The following FBXL17 variants were observed in gnomAD, a reference collection of about 807,000 sequenced individuals.
FBXL17 encodes F-box/LRR-repeat protein 17.
In FBXL17, 22 loss-of-function variants were observed where a neutral mutation model predicts 66.2. That is an observed-to-expected ratio of 0.33 (90% confidence interval 0.24 to 0.47). The LOEUF is 0.47. Among genes scored for constraint, FBXL17 ranks in the 20% least tolerant of loss-of-function variants. The probability of loss-of-function intolerance (pLI) is 1.00; values close to 1 mark genes in which losing one functional copy is unlikely to be tolerated. For missense variants in FBXL17, 878 were observed against 948.2 expected (o/e 0.93, Z 0.97); for synonymous variants, 474 against 400.5 (o/e 1.18, Z -2.19).
intron 4 of FBXL17, among the ~76,000 whole-genome samples, chr5:108,312,156 T>A (rs542783675): frequency 1.3e-5 from 2 of 152,130 alleles, no homozygotes; most frequent in South Asian, 2.1e-4. Context: ...TCACAGCTTA[T>A]GTAAAAGGCT....
chr5:108,185,281 G>C (rs546726611), intron 6 of FBXL17, among the ~76,000 whole-genome samples: 18 of 152,244 alleles, frequency 1.2e-4, no homozygotes, highest in African/African-American at 3.9e-4. Context: ...AATGTTGGAG[G>C]AAGGGCCTGT....
At chr5:107,941,026 C>T (rs948427935) in intron 7 of FBXL17, among the ~76,000 whole-genome samples, 1 of 151,780 alleles carries the variant, frequency 6.6e-6, no homozygotes, top group African/African-American at 2.4e-5. Flanking sequence ...ATCTGCCATA[C>T]AAACAGCAAA....
chr5:108,145,222 T>C (rs1375633666), intron 6 of FBXL17, among the ~76,000 whole-genome samples: 1 of 152,172 alleles, frequency 6.6e-6, no homozygotes, highest in South Asian at 2.1e-4. Flanking sequence ...GGTCAGATAA[T>C]TTTCTACTTC....
Position 108,380,959 on chromosome 5 carries a change from C to A in FBXL17, c.733G>T (p.Ala245Ser). ...TGCTCCGGGGCCTGGCAGCAGCCGG[C>A]GTCGGGGGGCCGGGGCGGCGAAGCG... Reference protein sequence around the residue: ...GGASPPRPPDAGCCQAPEQPP... With the variant: ...GGASPPRPPDSGCCQAPEQPP... Residue 245 changes from alanine to serine, a missense_variant, in exon 1 of 9, where the codon GCC becomes TCC. Physicochemically the swap from Ala to Ser is moderately conservative, Grantham distance 99. Transcript: ENST00000542267. 8.2e-7 allele frequency: 1 copy of A among 1,220,250 alleles called. No homozygotes were observed. Among genetic ancestry groups the A allele is most frequent in the Non-Finnish European group, 1.0e-6 (1 of 979,802 alleles). The allele number at this position is 1,220,250 out of a possible 1,614,324, so 75.6% of individuals were successfully genotyped here. A position where few individuals can be genotyped will look rare whatever the true frequency, so the allele number is the denominator to read the frequency against.
intron 7 of FBXL17, among the ~76,000 whole-genome samples, chr5:107,890,606 T>C (rs1056432402): frequency 6.6e-6 from 1 of 151,330 alleles, no homozygotes; most frequent in Non-Finnish European, 1.5e-5. Context: ...GGAGGTTGCA[T>C]TGAGCCAAGA....
chr5:108,179,443 C>T (rs1370344091), intron 6 of FBXL17, among the ~76,000 whole-genome samples: 2 of 151,602 alleles, frequency 1.3e-5, no homozygotes, highest in Non-Finnish European at 2.9e-5. Context: ...TTTTTCTATA[C>T]AAAAATAAAA....
chr5:108,131,723 A>G (rs1231001650), intron 6 of FBXL17, among the ~76,000 whole-genome samples: 1 of 152,160 alleles, frequency 6.6e-6, no homozygotes, highest in Non-Finnish European at 1.5e-5. Flanking sequence ...TATAATTATG[A>G]ATGCTAATTA....
At chr5:107,866,618 T>G (rs910688257) in intron 8 of FBXL17, among the ~76,000 whole-genome samples, 4 of 152,200 alleles carry the variant, frequency 2.6e-5, no homozygotes, top group Non-Finnish European at 5.9e-5. Context: ...AAGTTCCAGA[T>G]AAGTGTAAAC....
intron 6 of FBXL17, among the ~76,000 whole-genome samples, chr5:108,135,243 G>A (rs1162865659): frequency 6.6e-6 from 1 of 152,128 alleles, no homozygotes; most frequent in Non-Finnish European, 1.5e-5. Flanking sequence ...TGGTAGTTCT[G>A]AGAGGGGCTA....
intron 4 of FBXL17, among the ~76,000 whole-genome samples, chr5:108,230,469 A>T (rs549948772): frequency 1.3e-5 from 2 of 152,180 alleles, no homozygotes; most frequent in African/African-American, 2.4e-5. Flanking sequence ...GTAACTCAGG[A>T]ATGGAAAAAC....
At chr5:108,085,236 T>C (rs1360901337) in intron 6 of FBXL17, among the ~76,000 whole-genome samples, 1 of 152,250 alleles carries the variant, frequency 6.6e-6, no homozygotes, top group Non-Finnish European at 1.5e-5. Context: ...AGAACAAAGA[T>C]AACTGGTTTT....
intron 7 of FBXL17, among the ~76,000 whole-genome samples, chr5:107,888,334 A>T (rs867007117): frequency 9.2e-5 from 14 of 152,298 alleles, no homozygotes; most frequent in Middle Eastern, 3.4e-3. Flanking sequence ...TCTGAAAATC[A>T]AGTGTCACTC....
intron 6 of FBXL17, among the ~76,000 whole-genome samples, chr5:108,079,897 G>A (rs1329263421): frequency 6.6e-6 from 1 of 152,132 alleles, no homozygotes; most frequent in Non-Finnish European, 1.5e-5. Context: ...TAACTGACTT[G>A]GCTTCAAAAA....
In FBXL17 at chr5:108,092,989, A is replaced by G. The variant is rs140108693; in HGVS notation, c.1746-71988T>C. 9.5e-4 allele frequency among the ~76,000 whole-genome samples: 144 copies of G among 152,292 alleles called. 1 individual carries two copies. Among genetic ancestry groups the G allele is most frequent in the Admixed American group, 2.9e-3 (44 of 15,306 alleles). ...CACAGAAAATTGGCAATAGAGAGGG[A>G]GAATAAAACACTTCTAAACCATTCA... On this transcript the variant is annotated intron_variant, in intron 6 of 8. Transcript: ENST00000542267.
intron 4 of FBXL17, among the ~76,000 whole-genome samples, chr5:108,296,258 G>C (rs1474393843): frequency 1.3e-5 from 2 of 151,620 alleles, no homozygotes; most frequent in Non-Finnish European, 3.0e-5. Flanking sequence ...AGTGGATAAG[G>C]AAAAAGCAAG....
chr5:107,938,910 G>A (rs1237560949), intron 7 of FBXL17, among the ~76,000 whole-genome samples: 3 of 152,084 alleles, frequency 2.0e-5, no homozygotes, highest in African/African-American at 4.8e-5. Flanking sequence ...TATAAACCCA[G>A]TTATTCATAA....
rs116294205 is a variant in FBXL17, at chr5:107,916,216, C to T, written c.1823-35037G>A. Among the ~76,000 whole-genome samples the T allele has an allele frequency of 4.6e-3, 698 of 152,288 alleles. 6 individuals carry two copies. The highest frequency in any genetic ancestry group is 0.016 in the African/African-American group (675 of 41,552). On this transcript the variant is annotated intron_variant, in intron 7 of 8. Transcript: ENST00000542267. ...TGGTTTGGGACTACGATAATCAATC[C>T]TTTGTTTTCACAAGGTTTTATGAAA...
At chr5:107,969,169 T>G (rs777646910) in intron 7 of FBXL17, among the ~76,000 whole-genome samples, 36 of 152,172 alleles carry the variant, frequency 2.4e-4, no homozygotes, top group Non-Finnish European at 4.9e-4. Context: ...CTTAAAACAT[T>G]TACTATCTGA....
chr5:108,378,752 T>A (rs1481670369), intron 1 of FBXL17, among the ~76,000 whole-genome samples: 3 of 152,210 alleles, frequency 2.0e-5, no homozygotes, highest in African/African-American at 7.2e-5. Flanking sequence ...TTCGTAAGTA[T>A]TTACTGAGCG....
Sources: gnomAD v4.1 joint callset for allele counts (sites outside exome capture counted in the v4.1 genomes callset) on GRCh38, gnomAD v4.1.1 for gene constraint, MANE v1.5 for transcripts, NCBI Gene and HGNC (gene_info 2026-07-23, HGNC 2026-07-21) for gene names.